The following ADGRV1 variants were observed in gnomAD, a reference collection of about 807,000 sequenced individuals.
ADGRV1 encodes adhesion G protein-coupled receptor V1.
A neutral mutation model predicts 596.2 loss-of-function variants in ADGRV1; 359 were observed. The ratio of observed to expected loss-of-function variants is 0.60; its 90% CI spans 0.55 to 0.66. ADGRV1 has a LOEUF of 0.66. ADGRV1 is among the 30% of genes least tolerant of loss of function. The pLI is 0.00. For synonymous variants in ADGRV1, 2,681 were observed against 2,679.2 expected (o/e 1.00, Z -0.02); for missense variants, 7,274 against 7,575.6 (o/e 0.96, Z 1.48).
chr5:91,062,125 T>A (rs933585895), intron 85 of ADGRV1, among the ~76,000 whole-genome samples: 3 of 152,196 alleles, frequency 2.0e-5, no homozygotes, highest in African/African-American at 7.2e-5. Flanking sequence ...ATTTGTGTGT[T>A]GTTACTTGCA....
At position 90,711,243 on chromosome 5, in the gene ADGRV1, C is replaced by T. The variant is rs1172291379; in HGVS notation, c.8963C>T (p.Pro2988Leu). The T allele has an allele frequency of 7.4e-6, 12 of 1,612,842 alleles. No individual in the cohort carries two copies. The highest frequency in any genetic ancestry group is 2.2e-5 in the South Asian group (2 of 90,976). Reference protein sequence around the residue: ...LTLVAQRSREPLGHVSLFVYA... With the variant: ...LTLVAQRSRELLGHVSLFVYA... ...TTGGTAGCCCAGAGGAGCAGAGAAC[C>T]TCTTGGCCATGTTTCCTTATTTGTG... Residue 2988 changes from proline (P) to leucine (L), a missense_variant, in exon 41 of 90, where the codon CCT (proline) becomes CTT (leucine). Transcript: ENST00000405460.
intron 85 of ADGRV1, among the ~76,000 whole-genome samples, chr5:91,066,192 C>T (rs1787871103): frequency 2.0e-5 from 3 of 152,188 alleles, no homozygotes; most frequent in African/African-American, 7.2e-5. Flanking sequence ...AGCCCTGGTG[C>T]GGGCATTGCC....
chr5:90,665,580 A>T (rs1333948828), intron 21 of ADGRV1, among the ~76,000 whole-genome samples: 2 of 150,738 alleles, frequency 1.3e-5, no homozygotes, highest in South Asian at 2.1e-4. Context: ...GGATTCATTA[A>T]TTTTTTGAAG....
At chr5:91,154,455 A>G (rs968066048) in intron 89 of ADGRV1, among the ~76,000 whole-genome samples, 6 of 152,222 alleles carry the variant, frequency 3.9e-5, no homozygotes, top group Non-Finnish European at 8.8e-5. Flanking sequence ...ATTTTCATGT[A>G]TCATATTTTA....
intron 83 of ADGRV1, among the ~76,000 whole-genome samples, chr5:90,944,002 T>C (rs1386463741): frequency 6.6e-6 from 1 of 152,182 alleles, no homozygotes; most frequent in Non-Finnish European, 1.5e-5. Context: ...TTTTAAATTA[T>C]CTTTATTGTA....
chr5:90,727,104 G>A (rs922126242), intron 48 of ADGRV1, among the ~76,000 whole-genome samples: 1 of 151,966 alleles, frequency 6.6e-6, no homozygotes, highest in African/African-American at 2.4e-5. Context: ...TTATTAGTGG[G>A]GGGGATGGGG....
chr5:91,002,099 T>C (rs1389669915), intron 85 of ADGRV1, among the ~76,000 whole-genome samples: 1 of 152,198 alleles, frequency 6.6e-6, no homozygotes, highest in Non-Finnish European at 1.5e-5. Context: ...TTAATATTTT[T>C]ATTTCTATAA....
intron 84 of ADGRV1, among the ~76,000 whole-genome samples, chr5:90,975,385 T>C (rs1779468312): frequency 5.9e-5 from 9 of 152,170 alleles, no homozygotes; most frequent in Admixed American, 5.9e-4. Flanking sequence ...CATGCTGCTA[T>C]AAAGACACAT....
chr5:90,603,385 T>C (rs1761663480), intron 1 of ADGRV1, among the ~76,000 whole-genome samples: 1 of 152,172 alleles, frequency 6.6e-6, no homozygotes, highest in South Asian at 2.1e-4. Context: ...AGGCAGGAGC[T>C]TGTGGATGTA....
chr5:90,839,009 A>T (rs950484627), intron 77 of ADGRV1, among the ~76,000 whole-genome samples: 1 of 152,198 alleles, frequency 6.6e-6, no homozygotes, highest in African/African-American at 2.4e-5. Flanking sequence ...TGTTTCTTGC[A>T]TGAACGAATG....
At chr5:90,928,918 G>A (rs534728066) in intron 83 of ADGRV1, among the ~76,000 whole-genome samples, 1 of 144,460 alleles carries the variant, frequency 6.9e-6, no homozygotes, top group East Asian at 2.0e-4. Flanking sequence ...GCCCCTGCTG[G>A]GGGGTGCCTC....
Position 90,787,590 on chromosome 5 carries a change from CTTT to C in ADGRV1, c.13654-465_13654-463del, listed in dbSNP as rs35504697. 1.1e-3 allele frequency among the ~76,000 whole-genome samples: 127 copies of C among 118,898 alleles called. 1 individual carries two copies. The highest frequency in any genetic ancestry group is 3.4e-3 in the African/African-American group (113 of 33,584). The allele number at this position is 118,898 out of a possible 152,430, so 78.0% of individuals were successfully genotyped here. On this transcript the variant is annotated intron_variant, in intron 67 of 89. Coordinates refer to ENST00000405460, the MANE Select transcript of ADGRV1 (RefSeq NM_032119.4). ...AATATCTTTTTGTCTTTCTTTCTTT[CTTT>C]TTTTTTTTTTTTTTTGAGATGGAGT...
rs574636636 is a variant in ADGRV1, at chr5:90,725,241, A to T, written c.10053+9A>T. ...GATTTAAATTATTCCTGGTAAAAAC[A>T]TTTTCATTTTTAAATAGATTACTTT... On this transcript the variant is annotated intron_variant, in intron 47 of 89. Transcript: ENST00000405460. The T allele has an allele frequency of 7.4e-7, 1 of 1,348,796 alleles. No homozygotes were observed. Among genetic ancestry groups the T allele is most frequent in the Non-Finnish European group, 1.0e-6 (1 of 1,003,340 alleles). 83.6% of individuals were successfully genotyped at this position (1,348,796 alleles called of 1,614,324 possible).
chr5:90,721,535 A>T (rs369666550), intron 45 of ADGRV1, among the ~76,000 whole-genome samples: 2,015 of 13,798 alleles, frequency 0.15, 51 homozygotes, highest in East Asian at 0.2. Flanking sequence ...AAAAATAAAA[A>T]TAAAATAAAA....
chr5:91,091,710 G>C (rs1010521418), intron 86 of ADGRV1: 6 of 152,062 alleles, frequency 3.9e-5, no homozygotes, highest in African/African-American at 1.4e-4. Flanking sequence ...GTAGATTTCA[G>C]TTTTAGTTCG....
chr5:90,616,138 C>G (rs553306768), intron 2 of ADGRV1, among the ~76,000 whole-genome samples: 1 of 152,030 alleles, frequency 6.6e-6, no homozygotes, highest in African/African-American at 2.4e-5. Flanking sequence ...ACTTGGATTT[C>G]TCAAGTATTT....
At chr5:90,989,168 G>A (rs934862095) in intron 85 of ADGRV1, among the ~76,000 whole-genome samples, 1 of 151,858 alleles carries the variant, frequency 6.6e-6, no homozygotes, top group African/African-American at 2.4e-5. Flanking sequence ...TAATGGGATC[G>A]CTGGGTCAAA....
chr5:90,870,275 C>G (rs772532754), intron 83 of ADGRV1, among the ~76,000 whole-genome samples: 4 of 152,082 alleles, frequency 2.6e-5, no homozygotes, highest in Non-Finnish European at 4.4e-5. Context: ...GCATTATTTA[C>G]TCTTATAACA....
intron 83 of ADGRV1, among the ~76,000 whole-genome samples, chr5:90,886,912 A>G (rs1323416954): frequency 6.6e-6 from 1 of 152,016 alleles, no homozygotes. Flanking sequence ...TTTTTTCCGA[A>G]TCCATCTACT....
Sources: gnomAD v4.1 joint callset for allele counts (sites outside exome capture counted in the v4.1 genomes callset) on GRCh38, gnomAD v4.1.1 for gene constraint, MANE v1.5 for transcripts, NCBI Gene and HGNC (gene_info 2026-07-23, HGNC 2026-07-21) for gene names.